Variants in PCGF5 observed in about 807,000 individuals in gnomAD.
PCGF5 encodes the protein polycomb group RING finger protein 5.
In PCGF5, 9 loss-of-function variants were observed where a neutral mutation model predicts 44.3. The observed-to-expected ratio is 0.20, with a 90% confidence interval of 0.12 to 0.35. The LOEUF (loss-of-function observed/expected upper bound fraction) is 0.35. Among genes scored for constraint, PCGF5 ranks in the 10% least tolerant of loss-of-function variants. The pLI, the probability that PCGF5 is intolerant of heterozygous loss-of-function variation, is 1.00. For missense variants in PCGF5, 146 were observed against 305.3 expected, an observed-to-expected ratio of 0.48 and a Z score of 3.89; for synonymous variants, 95 against 102.5, an observed-to-expected ratio of 0.93 and a Z score of 0.44.
chr10:91,198,924 A>G lies in PCGF5; in HGVS notation c.-183-23765A>G, dbSNP rs139036845. On this transcript the variant is annotated intron_variant, in intron 1 of 9. Coordinates refer to the PCGF5 transcript ENST00000614189. ...GCCATTCTTGTTCTCCTCCTCTCTC[A>G]GATGTTCTTCTCTTTCATCACCCTC... Among the ~76,000 whole-genome samples the G allele has an allele frequency of 4.4e-3, 665 of 152,104 alleles. 3 individuals are homozygous for G. Among genetic ancestry groups the G allele is most frequent in the African/African-American group, 0.015 (632 of 41,482 alleles).
chr10:91,271,530 T>C (rs894315957), intron 8 of PCGF5, 108 bp from the exon 9 acceptor site: 1 of 812,216 alleles, frequency 1.2e-6, no homozygotes, highest in Non-Finnish European at 1.9e-6. Context: ...TATTTACCAT[T>C]AATCATGTTG....
At chr10:91,161,529 T>G (rs140237483), upstream of PCGF5, among the ~76,000 whole-genome samples, 1 of 152,348 alleles carries the variant, frequency 6.6e-6, no homozygotes, top group African/African-American at 2.4e-5. Flanking sequence ...GGTTCATGTC[T>G]ACTTTTTCAT....
chr10:91,156,804 G>A, the PCGF5 span, among the ~76,000 whole-genome samples: 33,958 of 152,098 alleles, frequency 0.22, 6,480 homozygotes, highest in African/African-American at 0.52. Flanking sequence ...CATCTCTTCC[G>A]AAAGTGATGC....
intron 1 of PCGF5, among the ~76,000 whole-genome samples, chr10:91,181,390 A>G (rs533624756): frequency 9.2e-5 from 14 of 152,242 alleles, no homozygotes; most frequent in East Asian, 1.9e-4. Flanking sequence ...TTTGAATACT[A>G]TGTTGAATAG....
chr10:91,247,109 C>T (rs1172104064), intron 3 of PCGF5, among the ~76,000 whole-genome samples: 1 of 151,020 alleles, frequency 6.6e-6, no homozygotes, highest in African/African-American at 2.4e-5. Flanking sequence ...GAGTACAAAG[C>T]AAGGGAGAAT....
chr10:91,163,595 T>A (rs899849854), intron 1 of PCGF5, among the ~76,000 whole-genome samples: 1 of 151,990 alleles, frequency 6.6e-6, no homozygotes, highest in Non-Finnish European at 1.5e-5. Flanking sequence ...GGCGCCTAGT[T>A]TGGGGGCCGC....
intron 3 of PCGF5, among the ~76,000 whole-genome samples, chr10:91,241,054 T>TAA (rs1395187955): frequency 1.3e-5 from 2 of 148,604 alleles, no homozygotes; most frequent in Non-Finnish European, 3.0e-5. Context: ...TATATATATA[T>TAA]AATATATATT....
At position 91,201,895 on chromosome 10, in the gene PCGF5, A is replaced by G. The variant is rs561501436; in HGVS notation, c.-183-20794A>G. Among the ~76,000 whole-genome samples, 3 of 152,196 alleles carry G rather than the reference A, an allele frequency of 2.0e-5. No individual in the cohort carries two copies. The South Asian group carries it at 6.2e-4, about 32-fold the overall frequency. On this transcript the variant is annotated intron_variant, in intron 1 of 9. Transcript: ENST00000614189. ...CTGTGCTTTAATGTGGTGATTTCCA[A>G]CCTCAGAGTTTCTGAAGTGTTAGGA...
chr10:91,176,291 G>A (rs1843706017), intron 1 of PCGF5, among the ~76,000 whole-genome samples: 1 of 152,230 alleles, frequency 6.6e-6, no homozygotes, highest in Admixed American at 6.5e-5. Flanking sequence ...CTGTTAGTCT[G>A]ATGGGCTTCC....
chr10:91,158,592 G>C (rs186335584), upstream of PCGF5, among the ~76,000 whole-genome samples: 133 of 152,336 alleles, frequency 8.7e-4, no homozygotes, highest in Middle Eastern at 3.4e-3. Flanking sequence ...ATGGTCAAGA[G>C]AGAGTGGACT....
intron 2 of PCGF5, among the ~76,000 whole-genome samples, chr10:91,226,736 G>A (rs549542931): frequency 2.0e-5 from 3 of 152,226 alleles, no homozygotes; most frequent in East Asian, 3.9e-4. Flanking sequence ...AAAGGAAATA[G>A]GAGGTAGAGA....
At chr10:91,231,126 C>T (rs1416303567) in intron 2 of PCGF5, among the ~76,000 whole-genome samples, 1 of 152,178 alleles carries the variant, frequency 6.6e-6, no homozygotes. Context: ...ATGTAAGCTT[C>T]TTTCCCACTT....
At chr10:91,232,299 A>AT (rs1235413131) in intron 2 of PCGF5, among the ~76,000 whole-genome samples, 2 of 152,094 alleles carry the variant, frequency 1.3e-5, no homozygotes, top group Admixed American at 6.6e-5. Flanking sequence ...GCAGTTGGAA[A>AT]TTTTTTTATT....
chr10:91,197,910 G>T (rs1254970145), intron 1 of PCGF5, among the ~76,000 whole-genome samples: 2 of 152,154 alleles, frequency 1.3e-5, no homozygotes, highest in African/African-American at 4.8e-5. Flanking sequence ...ATTTAGGAAA[G>T]AGTTCTCCTG....
upstream of PCGF5, among the ~76,000 whole-genome samples, chr10:91,161,337 CAG>C (rs1265024541): frequency 6.6e-6 from 1 of 152,200 alleles, no homozygotes. Flanking sequence ...GATTCACTTG[CAG>C]AGTTCAAAGA....
At chr10:91,228,240 T>C (rs987766912) in intron 2 of PCGF5, among the ~76,000 whole-genome samples, 5 of 152,122 alleles carry the variant, frequency 3.3e-5, no homozygotes, top group Non-Finnish European at 7.4e-5. Flanking sequence ...TATAGGTTGT[T>C]GATTTAAAAC....
intron 1 of PCGF5, among the ~76,000 whole-genome samples, chr10:91,206,348 T>A (rs1374957433): frequency 6.6e-6 from 1 of 152,122 alleles, no homozygotes; most frequent in African/African-American, 2.4e-5. Flanking sequence ...TAAATAAGAC[T>A]CTTCAACATG....
chr10:91,226,472 G>T (rs1844844046), intron 2 of PCGF5, among the ~76,000 whole-genome samples: 1 of 152,140 alleles, frequency 6.6e-6, no homozygotes, highest in Non-Finnish European at 1.5e-5. Flanking sequence ...CCCTTGAGTA[G>T]TGGTGCAGAG....
chr10:91,261,533 T>C lies in PCGF5; in HGVS notation c.573+109T>C, dbSNP rs1053340379. ...TATTCAAATTAATTTTTGTGGAAAC[T>C]TTGATTATTTTTGTGTTAAAAATTT... On this transcript the variant is annotated intron_variant, in intron 7 of 9. Transcript: ENST00000336126. 4 of 1,229,082 alleles carry C rather than the reference T, an allele frequency of 3.3e-6. No homozygotes were observed. The Admixed American group carries it at 1.1e-4, about 33-fold the overall frequency. The allele number at this position is 1,229,082 out of a possible 1,614,324, so 76.1% of individuals were successfully genotyped here. A position where few individuals can be genotyped will look rare whatever the true frequency, so the allele number is the denominator to read the frequency against.
Sources: gnomAD v4.1 joint callset for allele counts (sites outside exome capture counted in the v4.1 genomes callset) on GRCh38, gnomAD v4.1.1 for gene constraint, MANE v1.5 for transcripts, NCBI Gene and HGNC (gene_info 2026-07-23, HGNC 2026-07-21) for gene names.